The following PTPRD variants were observed in gnomAD, a reference collection of about 807,000 sequenced individuals.
The protein encoded by PTPRD is receptor-type tyrosine-protein phosphatase delta.
Under a neutral mutation model 214.5 loss-of-function variants are expected in PTPRD, and 34 were observed. The observed-to-expected ratio is 0.16, with a 90% confidence interval of 0.12 to 0.21. The LOEUF (loss-of-function observed/expected upper bound fraction) is 0.21. Among genes scored for constraint, PTPRD ranks in the 10% least tolerant of loss-of-function variants. The pLI, the probability that PTPRD is intolerant of heterozygous loss-of-function variation, is 1.00. For missense variants in PTPRD, 2,545 were observed against 2,398.7 expected, an observed-to-expected ratio of 1.06 and a Z score of -1.27; for synonymous variants, 1,128 against 845.7, an observed-to-expected ratio of 1.33 and a Z score of -5.79.
chr9:8,986,651 G>C (rs767484578), intron 11 of PTPRD, among the ~76,000 whole-genome samples: 10 of 151,750 alleles, frequency 6.6e-5, no homozygotes, highest in Non-Finnish European at 1.3e-4. Context: ...ATAAATAATT[G>C]CGGTGAACAT....
At chr9:8,934,486 TATATATAA>T (rs1270706067) in intron 11 of PTPRD, among the ~76,000 whole-genome samples, 745 of 10,114 alleles carry the variant, frequency 0.074, 80 homozygotes, top group Middle Eastern at 0.21. Flanking sequence ...TAAATATATA[TATATATAA>T]ATATATATAT....
chr9:9,036,623 A>G (rs1590219319), intron 10 of PTPRD, among the ~76,000 whole-genome samples: 1 of 152,192 alleles, frequency 6.6e-6, no homozygotes, highest in Non-Finnish European at 1.5e-5. Context: ...ACTGAGTATG[A>G]GTTATAAAGG....
intron 35 of PTPRD, among the ~76,000 whole-genome samples, chr9:8,422,527 C>T (rs2094435887): frequency 2.0e-5 from 3 of 152,138 alleles, no homozygotes; most frequent in Admixed American, 2.0e-4. Flanking sequence ...CACTTAACTG[C>T]CCTGAAAATG....
chr9:9,730,849 T>A (rs1274001558), intron 7 of PTPRD, among the ~76,000 whole-genome samples: 1 of 152,118 alleles, frequency 6.6e-6, no homozygotes, highest in Non-Finnish European at 1.5e-5. Context: ...AATACACAGA[T>A]AAAGCACCTA....
chr9:10,496,753 T>A (rs2042158582), intron 2 of PTPRD, among the ~76,000 whole-genome samples: 1 of 152,120 alleles, frequency 6.6e-6, no homozygotes, highest in African/African-American at 2.4e-5. Flanking sequence ...TTGTATATCT[T>A]CTTTTGAGAG....
chr9:8,373,230 G>C (rs1042766520), intron 39 of PTPRD, among the ~76,000 whole-genome samples: 3 of 151,912 alleles, frequency 2.0e-5, no homozygotes, highest in Admixed American at 2.0e-4. Flanking sequence ...ACATTATACT[G>C]TCAAGTTTTA....
At chr9:9,160,194 A>G (rs1413555465) in intron 10 of PTPRD, among the ~76,000 whole-genome samples, 1 of 152,154 alleles carries the variant, frequency 6.6e-6, no homozygotes, top group Non-Finnish European at 1.5e-5. Context: ...GACAAATGGG[A>G]TTGTATCAAA....
chr9:9,838,634 T>C (rs1399881894), intron 5 of PTPRD, among the ~76,000 whole-genome samples: 11 of 152,256 alleles, frequency 7.2e-5, no homozygotes, highest in Non-Finnish European at 1.2e-4. Context: ...CTTGTAAATT[T>C]GTTTGAGTTC....
At chr9:9,416,276 T>C (rs2076963627) in intron 8 of PTPRD, among the ~76,000 whole-genome samples, 1 of 152,142 alleles carries the variant, frequency 6.6e-6, no homozygotes, top group Admixed American at 6.5e-5. Flanking sequence ...GATCGTCTCA[T>C]GGTTGGGTTT....
chr9:9,062,806 G>A (rs1023925917), intron 10 of PTPRD, among the ~76,000 whole-genome samples: 10 of 152,118 alleles, frequency 6.6e-5, no homozygotes, highest in African/African-American at 2.4e-4. Context: ...TTCCTGACTT[G>A]ATTTTAATAG....
chr9:9,774,007 C>A (rs182055904), intron 5 of PTPRD, among the ~76,000 whole-genome samples: 3 of 152,276 alleles, frequency 2.0e-5, no homozygotes, highest in African/African-American at 7.2e-5. Flanking sequence ...TCCTATTCTA[C>A]AAACATGAAA....
At chr9:9,968,194 C>A (rs1281296953) in intron 4 of PTPRD, among the ~76,000 whole-genome samples, 2 of 152,252 alleles carry the variant, frequency 1.3e-5, no homozygotes, top group Non-Finnish European at 2.9e-5. Flanking sequence ...TGAGTAATAA[C>A]CACATGCAGT....
At chr9:10,482,101 G>A (rs1018225534) in intron 2 of PTPRD, among the ~76,000 whole-genome samples, 5 of 152,178 alleles carry the variant, frequency 3.3e-5, no homozygotes, top group Non-Finnish European at 7.3e-5. Flanking sequence ...GCCGGGCGCG[G>A]TGGCTCACGC....
At position 9,776,713 on chromosome 9, in the gene PTPRD, T is replaced by A. The variant is rs143093510; in HGVS notation, c.-367-9862A>T. Among the ~76,000 whole-genome samples, 230 of 152,340 alleles carry A rather than the reference T, an allele frequency of 1.5e-3. 2 individuals carry two copies. Among genetic ancestry groups the A allele is most frequent in the Non-Finnish European group, 1.6e-3 (112 of 68,030 alleles). ...TGAAGATAGTGACTTTTACTAAACTTTTCCTTTACTTTAAAATTACTTTTT... is the reference window on the plus strand; with the variant it reads ...TGAAGATAGTGACTTTTACTAAACTATTCCTTTACTTTAAAATTACTTTTT... On this transcript the variant is annotated intron_variant, in intron 5 of 45. Transcript: ENST00000381196.
intron 9 of PTPRD, among the ~76,000 whole-genome samples, chr9:9,266,080 G>T (rs1021447776): frequency 6.6e-6 from 1 of 151,054 alleles, no homozygotes; most frequent in East Asian, 2.0e-4. Context: ...AAGGGGTAGG[G>T]GTAACTATAA....
intron 7 of PTPRD, among the ~76,000 whole-genome samples, chr9:9,603,853 T>A (rs1004477065): frequency 6.9e-6 from 1 of 145,520 alleles, no homozygotes; most frequent in Non-Finnish European, 1.5e-5. Context: ...TTTTTTTTTT[T>A]AACTTTTATT....
chr9:8,812,267 T>C (rs2096824527), intron 11 of PTPRD, among the ~76,000 whole-genome samples: 1 of 152,202 alleles, frequency 6.6e-6, no homozygotes, highest in South Asian at 2.1e-4. Context: ...GATGTACATA[T>C]ATATTTATAG....
chr9:10,360,453 CAT>C (rs1233237075), intron 2 of PTPRD, among the ~76,000 whole-genome samples: 1 of 152,208 alleles, frequency 6.6e-6, no homozygotes, highest in African/African-American at 2.4e-5. Context: ...ATCCACATAA[CAT>C]GTCACATTTT....
chr9:10,030,463 T>C (rs1211880670), intron 4 of PTPRD, among the ~76,000 whole-genome samples: 2 of 152,128 alleles, frequency 1.3e-5, no homozygotes, highest in African/African-American at 4.8e-5. Flanking sequence ...TACCTGTTGG[T>C]TTGAGTATCA....
Sources: allele counts gnomAD v4.1 joint callset (sites outside exome capture counted in the v4.1 genomes callset), GRCh38; gene constraint gnomAD v4.1.1; transcripts MANE v1.5; gene names NCBI Gene and HGNC (gene_info 2026-07-23, HGNC 2026-07-21).